The following CIMAP1D variants were observed in gnomAD, a reference collection of about 807,000 sequenced individuals.
The protein encoded by CIMAP1D is CIMAP1 family member D.
chr19:490,166 G>C, the CIMAP1D span: 1 of 359,060 alleles, frequency 2.8e-6, no homozygotes, highest in East Asian at 4.2e-5. Flanking sequence ...GACCAGCCTG[G>C]CCAACATGGC....
the CIMAP1D span, among the ~76,000 whole-genome samples, chr19:479,261 G>A: frequency 6.6e-6 from 1 of 152,220 alleles, no homozygotes; most frequent in African/African-American, 2.4e-5. Context: ...ATATGAACCT[G>A]TGATCAATTA....
the CIMAP1D span, among the ~76,000 whole-genome samples, chr19:484,616 G>A: frequency 6.6e-6 from 1 of 152,214 alleles, no homozygotes; most frequent in Non-Finnish European, 1.5e-5. Flanking sequence ...GACCTCTAAG[G>A]GATGCCCAGC....
At chr19:485,957 C>T in the CIMAP1D span, among the ~76,000 whole-genome samples, 5,085 of 152,310 alleles carry the variant, frequency 0.033, 139 homozygotes, top group East Asian at 0.1. Context: ...GACTCACGCG[C>T]CCTGCTGCTG....
At chr19:483,118 T>C in the CIMAP1D span, among the ~76,000 whole-genome samples, 2 of 151,944 alleles carry the variant, frequency 1.3e-5, no homozygotes, top group African/African-American at 4.8e-5. Flanking sequence ...CTTCCCTCAC[T>C]CCAGCAAATG....
the CIMAP1D span, among the ~76,000 whole-genome samples, chr19:465,701 G>C: frequency 1.4e-5 from 2 of 142,570 alleles, no homozygotes; most frequent in Admixed American, 7.0e-5. Flanking sequence ...GTGTGGGTGG[G>C]TGGGTGGATA....
At chr19:483,229 A>G in the CIMAP1D span, among the ~76,000 whole-genome samples, 60 of 147,132 alleles carry the variant, frequency 4.1e-4, no homozygotes, top group Non-Finnish European at 5.2e-4. Context: ...CCTCACAGCC[A>G]CGGCCCAGTC....
chr19:475,114 A>G, the CIMAP1D span: 1 of 204,378 alleles, frequency 4.9e-6, no homozygotes, highest in African/African-American at 2.3e-5. Flanking sequence ...CATGACACCC[A>G]CAGCCTTGCA....
chr19:485,786 G>C, the CIMAP1D span, among the ~76,000 whole-genome samples: 4 of 152,298 alleles, frequency 2.6e-5, no homozygotes, highest in South Asian at 8.3e-4. Flanking sequence ...TGTGTCCCTG[G>C]CACACGGCAC....
the CIMAP1D span, among the ~76,000 whole-genome samples, chr19:465,050 AGAT>A: frequency 7.7e-5 from 10 of 130,150 alleles, no homozygotes; most frequent in East Asian, 5.2e-4. Context: ...ATGGGTGGAT[AGAT>A]GATGGATGGA....
At chr19:483,240 C>T in the CIMAP1D span, among the ~76,000 whole-genome samples, 1 of 151,042 alleles carries the variant, frequency 6.6e-6, no homozygotes, top group Non-Finnish European at 1.5e-5. Context: ...CGGCCCAGTC[C>T]AGGGCCCCAT....
the CIMAP1D span, among the ~76,000 whole-genome samples, chr19:467,047 GGATA>G: frequency 1.0e-5 from 1 of 99,262 alleles, no homozygotes; most frequent in Non-Finnish European, 2.1e-5. Context: ...AAGGATGGGT[GGATA>G]GATGGATGGG....
chr19:471,257 T>C, the CIMAP1D span, among the ~76,000 whole-genome samples: 1 of 152,108 alleles, frequency 6.6e-6, no homozygotes, highest in Non-Finnish European at 1.5e-5. Context: ...CACGCCATTC[T>C]CCTGCCTCAG....
the CIMAP1D span, among the ~76,000 whole-genome samples, chr19:464,609 C>T: frequency 6.6e-6 from 1 of 152,208 alleles, no homozygotes; most frequent in Non-Finnish European, 1.5e-5. Flanking sequence ...CTGCCTTCCC[C>T]AGCCCATCCA....
At chr19:465,435 ATGGT>A in the CIMAP1D span, among the ~76,000 whole-genome samples, 4 of 76,816 alleles carry the variant, frequency 5.2e-5, no homozygotes, top group African/African-American at 1.6e-4. Flanking sequence ...AGGTGAGTAG[ATGGT>A]TGGATGGATG....
At chr19:479,410 TTGGG>T in the CIMAP1D span, among the ~76,000 whole-genome samples, 6 of 82,116 alleles carry the variant, frequency 7.3e-5, no homozygotes, top group African/African-American at 1.9e-4. Flanking sequence ...TTTTTTTTTT[TTGGG>T]GGGGGGGGGG....
At chr19:476,468 G>A in the CIMAP1D span, among the ~76,000 whole-genome samples, 1 of 152,168 alleles carries the variant, frequency 6.6e-6, no homozygotes, top group South Asian at 2.1e-4. Context: ...GGGATTACAA[G>A]CGTAAGCCAC....
the CIMAP1D span, among the ~76,000 whole-genome samples, chr19:475,233 G>A: frequency 6.6e-6 from 1 of 152,208 alleles, no homozygotes; most frequent in Non-Finnish European, 1.5e-5. Flanking sequence ...GGGAGTTTCA[G>A]CTCTGAGCCA....
At chr19:483,295 G>A in the CIMAP1D span, among the ~76,000 whole-genome samples, 1 of 122,304 alleles carries the variant, frequency 8.2e-6, no homozygotes, top group Non-Finnish European at 1.7e-5. Flanking sequence ...TCCCTGGGAC[G>A]CCTCTCCCAG....
At chr19:468,096 T>G in the CIMAP1D span, among the ~76,000 whole-genome samples, 1 of 152,120 alleles carries the variant, frequency 6.6e-6, no homozygotes, top group Non-Finnish European at 1.5e-5. Flanking sequence ...CTGGGTGTGG[T>G]GGTGCACACC....
Sources: gnomAD v4.1 joint callset for allele counts (sites outside exome capture counted in the v4.1 genomes callset) on GRCh38, gnomAD v4.1.1 for gene constraint, MANE v1.5 for transcripts, NCBI Gene and HGNC (gene_info 2026-07-23, HGNC 2026-07-21) for gene names.